The following CDKN2B-AS1 variants were observed in gnomAD, a reference collection of about 807,000 sequenced individuals.
CDKN2B-AS1 encodes the protein CDKN2B antisense RNA 1 (non-protein coding).
intron 4 of CDKN2B-AS1, among the ~76,000 whole-genome samples, chr9:22,059,731 C>A (rs547680145): frequency 1.3e-5 from 2 of 152,324 alleles, no homozygotes; most frequent in South Asian, 2.1e-4. Context: ...ATGAGAGCCC[C>A]GCCCCAGCAG....
At chr9:22,105,834 T>C (rs1229930883) in intron 4 of CDKN2B-AS1, among the ~76,000 whole-genome samples, 1 of 152,204 alleles carries the variant, frequency 6.6e-6, no homozygotes, top group Non-Finnish European at 1.5e-5. Context: ...ATTAGGAGCA[T>C]GATGTGCTTT....
chr9:22,061,090 A>G (rs193020611), intron 4 of CDKN2B-AS1, among the ~76,000 whole-genome samples: 1 of 152,312 alleles, frequency 6.6e-6, no homozygotes, highest in African/African-American at 2.4e-5. Context: ...TCTGGAAGTG[A>G]AGCACATTTC....
chr9:22,098,179 GTGTGTGTATTTATATA>G (rs1035855948), intron 4 of CDKN2B-AS1, among the ~76,000 whole-genome samples: 2 of 151,250 alleles, frequency 1.3e-5, no homozygotes, highest in Non-Finnish European at 2.9e-5. Context: ...GTGTGTGTGT[GTGTGTGTATTTATATA>G]TGTGTGTATT....
chr9:22,100,979 C>G (rs1469917056), intron 4 of CDKN2B-AS1, among the ~76,000 whole-genome samples: 3 of 152,102 alleles, frequency 2.0e-5, no homozygotes, highest in African/African-American at 7.2e-5. Context: ...AATATTTTGC[C>G]CAATTTAAAA....
intron 2 of CDKN2B-AS1, among the ~76,000 whole-genome samples, chr9:22,048,526 G>A (rs551361663): frequency 5.1e-4 from 78 of 152,196 alleles, no homozygotes; most frequent in Non-Finnish European, 8.1e-4. Context: ...ATACATATAC[G>A]TACATACTTT....
At chr9:22,087,072 C>G (rs1939267082) in intron 4 of CDKN2B-AS1, among the ~76,000 whole-genome samples, 1 of 152,202 alleles carries the variant, frequency 6.6e-6, no homozygotes, top group Non-Finnish European at 1.5e-5. Flanking sequence ...CCTCCTTAGC[C>G]CCTGTAGTGA....
intron 4 of CDKN2B-AS1, among the ~76,000 whole-genome samples, chr9:22,066,870 G>C (rs548357648): frequency 6.6e-6 from 1 of 152,178 alleles, no homozygotes; most frequent in East Asian, 2.0e-4. Flanking sequence ...ATACACCATG[G>C]AATACTATGC....
intron 4 of CDKN2B-AS1, among the ~76,000 whole-genome samples, chr9:22,075,260 A>G (rs1824451830): frequency 6.6e-6 from 1 of 152,186 alleles, no homozygotes; most frequent in Non-Finnish European, 1.5e-5. Context: ...GAATTCTCTC[A>G]AGAGTCAGGA....
chr9:22,048,576 A>G (rs1330591483), intron 2 of CDKN2B-AS1, among the ~76,000 whole-genome samples: 1 of 152,142 alleles, frequency 6.6e-6, no homozygotes, highest in African/African-American at 2.4e-5. Context: ...TTTAGAGTTA[A>G]ATATCTTTCA....
intron 1 of CDKN2B-AS1, among the ~76,000 whole-genome samples, chr9:22,026,706 T>C (rs1822255167): frequency 6.6e-6 from 1 of 152,174 alleles, no homozygotes. Context: ...GGGTCTAACC[T>C]CCAGCTTTGC....
chr9:22,089,442 T>G (rs1319628281), intron 4 of CDKN2B-AS1, among the ~76,000 whole-genome samples: 1 of 152,094 alleles, frequency 6.6e-6, no homozygotes, highest in East Asian at 1.9e-4. Flanking sequence ...TACTAAACTT[T>G]TTTTTTTAAA....
intron 1 of CDKN2B-AS1, among the ~76,000 whole-genome samples, chr9:22,013,235 T>C (rs1037868962): frequency 3.3e-5 from 5 of 152,194 alleles, no homozygotes; most frequent in East Asian, 3.8e-4. Context: ...CCAAATACGG[T>C]CAAATTGTGA....
intron 4 of CDKN2B-AS1, among the ~76,000 whole-genome samples, chr9:22,078,600 T>A (rs1824581304): frequency 6.6e-6 from 1 of 152,062 alleles, no homozygotes; most frequent in South Asian, 2.1e-4. Flanking sequence ...CTGCAGGAGA[T>A]CTTGTTAAAA....
chr9:22,093,259 A>G (rs914240230), intron 4 of CDKN2B-AS1, among the ~76,000 whole-genome samples: 6 of 140,674 alleles, frequency 4.3e-5, no homozygotes, highest in African/African-American at 1.6e-4. Flanking sequence ...CAATTTTGGA[A>G]TAAGTGCAGT....
intron 3 of CDKN2B-AS1, among the ~76,000 whole-genome samples, chr9:22,049,388 G>A (rs1453093698): frequency 1.3e-5 from 2 of 152,212 alleles, no homozygotes; most frequent in Non-Finnish European, 1.5e-5. Flanking sequence ...AAGCCTCTGT[G>A]ACATTTATCA....
chr9:22,090,293 T>A (rs1825031780), intron 4 of CDKN2B-AS1, among the ~76,000 whole-genome samples: 1 of 152,164 alleles, frequency 6.6e-6, no homozygotes, highest in Admixed American at 6.5e-5. Context: ...AACATACGTG[T>A]GCATGTGTCT....
intron 2 of CDKN2B-AS1, chr9:22,049,049 G>A (rs1823225810): frequency 6.6e-6 from 1 of 152,086 alleles, no homozygotes; most frequent in Non-Finnish European, 1.5e-5. Context: ...ATATTTTCCA[G>A]TGGTGTTTCT....
At chr9:22,051,179 G>C (rs1823328309) in intron 3 of CDKN2B-AS1, among the ~76,000 whole-genome samples, 1 of 152,020 alleles carries the variant, frequency 6.6e-6, no homozygotes, top group Non-Finnish European at 1.5e-5. Flanking sequence ...CTCCTTTAAG[G>C]GGCCCCCTGA....
intron 4 of CDKN2B-AS1, among the ~76,000 whole-genome samples, chr9:22,110,870 C>T (rs1825789143): frequency 6.6e-6 from 1 of 151,976 alleles, no homozygotes; most frequent in African/African-American, 2.4e-5. Context: ...ATGTATGTAT[C>T]CCTAGGTAAT....
Sources: gnomAD v4.1 joint callset for allele counts (sites outside exome capture counted in the v4.1 genomes callset) on GRCh38, gnomAD v4.1.1 for gene constraint, MANE v1.5 for transcripts, NCBI Gene and HGNC (gene_info 2026-07-23, HGNC 2026-07-21) for gene names.